ANAPC1: variants seen among roughly 807,000 people sequenced by gnomAD.
ANAPC1 encodes anaphase promoting complex subunit 1.
Under a neutral mutation model 208.0 loss-of-function variants are expected in ANAPC1, and 36 were observed. The ratio of observed to expected loss-of-function variants is 0.17; its 90% CI spans 0.13 to 0.23. The LOEUF is 0.23. Ranked by LOEUF, ANAPC1 falls within the 10% of genes least tolerant of loss-of-function variation. ANAPC1 has a pLI of 1.00. For synonymous variants in ANAPC1, 378 were observed against 695.2 expected (o/e 0.54, Z 7.18); for missense variants, 942 against 2,011.6 (o/e 0.47, Z 10.17).
intron 21 of ANAPC1, among the ~76,000 whole-genome samples, chr2:111,829,917 A>C (rs1457134243): frequency 6.6e-6 from 1 of 151,950 alleles, no homozygotes; most frequent in Admixed American, 6.6e-5. Context: ...TAAAAATACA[A>C]AAAATTAGCC....
chr2:111,870,165 T>A (rs1682667355), intron 6 of ANAPC1, among the ~76,000 whole-genome samples: 1 of 152,264 alleles, frequency 6.6e-6, no homozygotes, highest in African/African-American at 2.4e-5. Context: ...GTGAATTGTG[T>A]TGCAATAAAC....
At chr2:111,874,630 C>T (rs1404138555) in intron 3 of ANAPC1, among the ~76,000 whole-genome samples, 1 of 152,160 alleles carries the variant, frequency 6.6e-6, no homozygotes, top group African/African-American at 2.4e-5. Context: ...AAACAATATT[C>T]CACTGTTAGC....
chr2:111,844,307 G>A (rs1367936292), intron 16 of ANAPC1, among the ~76,000 whole-genome samples: 5 of 151,766 alleles, frequency 3.3e-5, no homozygotes, highest in South Asian at 4.2e-4. Context: ...GGTGACTCAC[G>A]CCTGTAATCT....
chr2:111,829,333 TG>T (rs1007402940), intron 21 of ANAPC1, among the ~76,000 whole-genome samples: 17 of 152,054 alleles, frequency 1.1e-4, no homozygotes, highest in African/African-American at 3.9e-4. Flanking sequence ...TTTGGAGCCA[TG>T]GGGGGGACTG....
At chr2:111,826,821 C>A (rs1679863562) in intron 21 of ANAPC1, among the ~76,000 whole-genome samples, 1 of 152,008 alleles carries the variant, frequency 6.6e-6, no homozygotes. Context: ...CCACCACGCC[C>A]AGCTAATTTT....
intron 9 of ANAPC1, 113 bp from the exon 10 acceptor site, chr2:111,862,711 A>T: frequency 1.4e-6 from 2 of 1,401,666 alleles, no homozygotes; most frequent in Non-Finnish European, 1.9e-6. Context: ...TTCATGGCAT[A>T]ATCCAGGTCA....
At chr2:111,810,882 C>CAAAAAAA (rs1162540899) in intron 28 of ANAPC1, among the ~76,000 whole-genome samples, 22 of 71,758 alleles carry the variant, frequency 3.1e-4, no homozygotes, top group Admixed American at 8.0e-4. Flanking sequence ...GACTCCACAT[C>CAAAAAAA]AAAAAAAAAA....
In ANAPC1 at chr2:111,872,634, G is replaced by C. The variant is rs1682815189; in HGVS notation, c.607C>G (p.Pro203Ala). The C allele has an allele frequency of 1.1e-5, 18 of 1,610,198 alleles. No homozygotes were observed. Among genetic ancestry groups the C allele is most frequent in the Non-Finnish European group, 1.5e-5 (18 of 1,176,650 alleles). ...TGAAGTGAATAAAATGAATACCTGG[G>C]TGAACCTGGAGGTACTTCATGTGAA... ...ASSHEVPPGS[P>A]REPLPTMFSM... Residue 203 changes from proline to alanine, a missense_variant, in exon 6 of 48, where the codon CCC becomes GCC. Coordinates refer to ENST00000341068, the MANE Select transcript of ANAPC1 (RefSeq NM_022662.4).
chr2:111,770,462 A>G (rs1676677981), intron 47 of ANAPC1, among the ~76,000 whole-genome samples: 1 of 146,624 alleles, frequency 6.8e-6, no homozygotes, highest in South Asian at 2.1e-4. Flanking sequence ...CTGTGGGTTA[A>G]TATTTAACAC....
intron 26 of ANAPC1, chr2:111,819,185 T>C: frequency 3.0e-6 from 3 of 984,466 alleles, no homozygotes; most frequent in South Asian, 9.4e-5. Flanking sequence ...TTTTGTTTCA[T>C]ATTTACATTG....
At chr2:111,770,403 T>C (rs1361804841) in intron 47 of ANAPC1, among the ~76,000 whole-genome samples, 2 of 142,606 alleles carry the variant, frequency 1.4e-5, no homozygotes, top group African/African-American at 2.8e-5. Flanking sequence ...GTTTGACTAT[T>C]AATGTGACTA....
chr2:111,860,949 C>T (rs1573484666), intron 10 of ANAPC1, among the ~76,000 whole-genome samples: 1 of 152,186 alleles, frequency 6.6e-6, no homozygotes, highest in Non-Finnish European at 1.5e-5. Flanking sequence ...TCAATCACCA[C>T]CTATAAGCTG....
intron 34 of ANAPC1, among the ~76,000 whole-genome samples, chr2:111,797,660 T>G (rs1305448541): frequency 6.6e-6 from 1 of 152,022 alleles, no homozygotes; most frequent in South Asian, 2.1e-4. Flanking sequence ...AGACAAAATA[T>G]AAAATCCAAA....
At chr2:111,874,093 T>C (rs866962794) in intron 3 of ANAPC1, among the ~76,000 whole-genome samples, 3 of 152,146 alleles carry the variant, frequency 2.0e-5, no homozygotes, top group African/African-American at 7.2e-5. Context: ...TTAGACTCTC[T>C]CTAGACTGAC....
rs1309409299 is a variant in ANAPC1 at position 111,785,393 on chromosome 2, C to G, written c.4884G>C (p.Thr1628=). Residue 1628 remains threonine, a synonymous_variant, in exon 40 of 48, where the codon ACG becomes ACC. Coordinates refer to ENST00000341068, the MANE Select transcript of ANAPC1 (RefSeq NM_022662.4). ...LLVPVDVDTN[T]PCYALLEVTY... is the part of the protein sequence containing the mutation. ...TAACTTCTAAGAGGGCATAGCAGGGCGTGTTTGTGTCCACATCCACAGGCA... is the reference window on the plus strand; with the variant it reads ...TAACTTCTAAGAGGGCATAGCAGGGGGTGTTTGTGTCCACATCCACAGGCA... 1 of 848,734 alleles carries G rather than the reference C, an allele frequency of 1.2e-6. No individual in the cohort carries two copies. The highest frequency in any genetic ancestry group is 1.5e-5 in the South Asian group (1 of 68,084). The allele number at this position is 848,734 out of a possible 1,614,324, so 52.6% of individuals were successfully genotyped here.
At chr2:111,781,720 G>A (rs1298735485) in intron 43 of ANAPC1, among the ~76,000 whole-genome samples, 1 of 152,238 alleles carries the variant, frequency 6.6e-6, no homozygotes, top group East Asian at 1.9e-4. Flanking sequence ...AAATTCAGAA[G>A]TCTTAATGCC....
At chr2:111,849,414 G>T (rs1054915553) in intron 14 of ANAPC1, among the ~76,000 whole-genome samples, 1 of 151,988 alleles carries the variant, frequency 6.6e-6, no homozygotes, top group Non-Finnish European at 1.5e-5. Context: ...GTGCTGGTTT[G>T]AAGGAAAAAA....
intron 25 of ANAPC1, among the ~76,000 whole-genome samples, chr2:111,821,955 G>C (rs1406709580): frequency 6.6e-6 from 1 of 151,800 alleles, no homozygotes; most frequent in South Asian, 2.1e-4. Context: ...AGTTTTATGT[G>C]ATTAAACAAA....
At chr2:111,772,031 G>A (rs1676768342) in intron 47 of ANAPC1, among the ~76,000 whole-genome samples, 1 of 145,128 alleles carries the variant, frequency 6.9e-6, no homozygotes, top group Admixed American at 6.9e-5. Flanking sequence ...TGAAAACCTA[G>A]AAAATAAAGA....
Sources: allele counts gnomAD v4.1 joint callset (sites outside exome capture counted in the v4.1 genomes callset), GRCh38; gene constraint gnomAD v4.1.1; transcripts MANE v1.5; gene names NCBI Gene and HGNC (gene_info 2026-07-23, HGNC 2026-07-21).